Variants in DSCAML1 observed in about 807,000 individuals in gnomAD.
DSCAML1 encodes the protein DS cell adhesion molecule like 1.
In DSCAML1, 38 loss-of-function variants were observed where a neutral mutation model predicts 200.5. The ratio of observed to expected loss-of-function variants is 0.19; its 90% CI spans 0.15 to 0.25. The LOEUF (loss-of-function observed/expected upper bound fraction) is 0.25. Among genes scored for constraint, DSCAML1 ranks in the 10% least tolerant of loss-of-function variants. DSCAML1 has a pLI of 1.00. For missense variants in DSCAML1, 2,223 were observed against 2,858.8 expected, an observed-to-expected ratio of 0.78 and a Z score of 5.07; for synonymous variants, 1,215 against 1,165.0, an observed-to-expected ratio of 1.04 and a Z score of -0.87.
In DSCAML1 at chr11:117,503,679, T is replaced by G. The variant is rs952517509; in HGVS notation, c.2359+166A>C. Among the ~76,000 whole-genome samples, 2 of 152,110 alleles carry G rather than the reference T, an allele frequency of 1.3e-5. No homozygotes were observed. Among genetic ancestry groups the G allele is most frequent in the Non-Finnish European group, 2.9e-5 (2 of 68,026 alleles). ...CCGCTGTTTTAGATGACAGTGCTTT[T>G]GAATGCCCCATCCAAGGGTCCCAAG... On this transcript the variant is annotated intron_variant, in intron 11 of 32. Coordinates refer to ENST00000651296, the MANE Select transcript of DSCAML1 (RefSeq NM_020693.4). The surrounding 1 kb of genome is among the most constrained non-coding windows in gnomAD (Gnocchi z 5.2).
Position 117,643,370 on chromosome 11 carries a change from C to A in DSCAML1, c.512-110848G>T, listed in dbSNP as rs550917876. On this transcript the variant is annotated intron_variant, in intron 3 of 32. Coordinates refer to ENST00000651296, the MANE Select transcript of DSCAML1 (RefSeq NM_020693.4). ...GTGTATGTGGGGAGGACGTACTATC[C>A]CCCTGTAAACATTCCTGTCTTTTGT... Among the ~76,000 whole-genome samples, 5 of 152,174 alleles carry A rather than the reference C, an allele frequency of 3.3e-5. No homozygotes were observed. The South Asian group carries it at 1.0e-3, about 32-fold the overall frequency.
rs5795089 is a variant in DSCAML1, at chr11:117,506,547, CTTTTTTTTTTT to C, written c.1784-826_1784-816del. On this transcript the variant is annotated intron_variant, in intron 8 of 32. Coordinates refer to ENST00000651296, the MANE Select transcript of DSCAML1 (RefSeq NM_020693.4). Reference sequence around the variant, plus strand: ...TGCCCAGACAAGAGACAAGAGATAACTTTTTTTTTTTTTTTTTTTTTTTTTTTGAGACAAGG... The same window carrying C: ...TGCCCAGACAAGAGACAAGAGATAACTTTTTTTTTTTTTTTTGAGACAAGG... Among the ~76,000 whole-genome samples, 274 of 96,868 alleles carry C rather than the reference CTTTTTTTTTTT, an allele frequency of 2.8e-3. 3 individuals are homozygous for C. Among genetic ancestry groups the C allele is most frequent in the African/African-American group, 8.2e-3 (187 of 22,870 alleles). 63.5% of individuals were successfully genotyped at this position (96,868 alleles called of 152,430 possible).
At chr11:117,466,616 G>A (rs1009670958) in intron 16 of DSCAML1, among the ~76,000 whole-genome samples, 5 of 152,110 alleles carry the variant, frequency 3.3e-5, no homozygotes, top group Admixed American at 6.5e-5. Context: ...CAGGAGAATC[G>A]CTTGAACCCG....
At chr11:117,439,458 G>A (rs1257403252) in intron 22 of DSCAML1, 29 bp from the exon 23 acceptor site, 5 of 1,601,030 alleles carry the variant, frequency 3.1e-6, no homozygotes, top group South Asian at 2.2e-5. Flanking sequence ...GGGCGGGTGG[G>A]TCATGTCAAG....
chr11:117,485,631 A>T (rs781098007), intron 11 of DSCAML1, among the ~76,000 whole-genome samples: 2 of 152,190 alleles, frequency 1.3e-5, no homozygotes, highest in African/African-American at 2.4e-5. Context: ...TGCTTAAGAA[A>T]CCTGGATTCT....
intron 3 of DSCAML1, among the ~76,000 whole-genome samples, chr11:117,681,169 G>T (rs2053305143): frequency 6.6e-6 from 1 of 152,034 alleles, no homozygotes; most frequent in Non-Finnish European, 1.5e-5. Context: ...AAGCTCTGTT[G>T]ACTCCCAGCA....
intron 1 of DSCAML1, among the ~76,000 whole-genome samples, chr11:117,812,713 T>C (rs1373245700): frequency 6.7e-6 from 1 of 149,452 alleles, no homozygotes; most frequent in Non-Finnish European, 1.5e-5. Context: ...ATAATTCTCG[T>C]AAAAACACAC....
chr11:117,472,582 C>T (rs1397055510), intron 14 of DSCAML1, among the ~76,000 whole-genome samples: 1 of 152,120 alleles, frequency 6.6e-6, no homozygotes, highest in East Asian at 1.9e-4. Context: ...GTACCAGAGT[C>T]CCCAGTCCAA....
chr11:117,702,937 G>A (rs1464490354), intron 3 of DSCAML1, among the ~76,000 whole-genome samples: 3 of 152,154 alleles, frequency 2.0e-5, no homozygotes, highest in African/African-American at 7.2e-5. Flanking sequence ...AGACTTTCTG[G>A]GATGCAAATA....
chr11:117,470,879 C>G (rs913436152), intron 15 of DSCAML1, among the ~76,000 whole-genome samples: 1 of 151,962 alleles, frequency 6.6e-6, no homozygotes, highest in Non-Finnish European at 1.5e-5. Context: ...AAGCAAGACA[C>G]GGAAGAATAG....
intron 3 of DSCAML1, among the ~76,000 whole-genome samples, chr11:117,751,476 C>T (rs1272293586): frequency 6.6e-6 from 1 of 150,898 alleles, no homozygotes. Flanking sequence ...TTATTTCAGA[C>T]AGTTTCTCAC....
rs1487866860 is a variant in DSCAML1 at position 117,489,207 on chromosome 11, G to C, written c.2360-7045C>G. Among the ~76,000 whole-genome samples the C allele has an allele frequency of 6.6e-6, 1 of 152,206 alleles. No homozygotes were observed. The highest frequency in any genetic ancestry group is 6.5e-5 in the Admixed American group (1 of 15,286). ...CTGTCACCAAAAAGCTGTGGCCTCT[G>C]CGGCGGGGCAGCTGCAGCAGGTACT... On this transcript the variant is annotated intron_variant, in intron 11 of 32. Transcript: ENST00000651296. This position sits in a 1 kb window ranked among gnomAD's most constrained non-coding sequence, Gnocchi z 4.8.
chr11:117,685,985 G>A (rs2053395863), intron 3 of DSCAML1, among the ~76,000 whole-genome samples: 1 of 152,174 alleles, frequency 6.6e-6, no homozygotes, highest in Non-Finnish European at 1.5e-5. Context: ...TTGAGGATGG[G>A]AGGGAGGGTT....
intron 3 of DSCAML1, among the ~76,000 whole-genome samples, chr11:117,596,043 A>C (rs2051357225): frequency 6.6e-6 from 1 of 152,208 alleles, no homozygotes; most frequent in African/African-American, 2.4e-5. Flanking sequence ...CATTCCTGGG[A>C]AAGAGATATA....
chr11:117,653,459 A>G (rs776182531), intron 3 of DSCAML1, among the ~76,000 whole-genome samples: 1 of 152,112 alleles, frequency 6.6e-6, no homozygotes, highest in African/African-American at 2.4e-5. Flanking sequence ...CAGCTCATTC[A>G]TCACTTGGCC....
chr11:117,675,269 A>G (rs1310817514), intron 3 of DSCAML1, among the ~76,000 whole-genome samples: 3 of 152,046 alleles, frequency 2.0e-5, no homozygotes, highest in Non-Finnish European at 2.9e-5. Flanking sequence ...GGCTCGGAAC[A>G]TTTTCAAACA....
intron 1 of DSCAML1, among the ~76,000 whole-genome samples, chr11:117,795,627 C>T (rs1333039422): frequency 6.6e-6 from 1 of 152,150 alleles, no homozygotes; most frequent in African/African-American, 2.4e-5. Flanking sequence ...TTGAGGCCAC[C>T]CTTCCTTGTC....
At chr11:117,485,758 A>G (rs2049034533) in intron 11 of DSCAML1, among the ~76,000 whole-genome samples, 1 of 152,200 alleles carries the variant, frequency 6.6e-6, no homozygotes, top group South Asian at 2.1e-4. Context: ...CTTTTTGGGT[A>G]GAGGAAAAAA....
At chr11:117,714,577 G>A (rs1006968663) in intron 3 of DSCAML1, among the ~76,000 whole-genome samples, 1 of 152,124 alleles carries the variant, frequency 6.6e-6, no homozygotes, top group Non-Finnish European at 1.5e-5. Flanking sequence ...AGCACTTTGG[G>A]AGGCCGAGGC....
Sources: gnomAD v4.1 joint callset for allele counts (sites outside exome capture counted in the v4.1 genomes callset) on GRCh38, gnomAD v4.1.1 for gene constraint, Gnocchi (gnomAD v3.1) non-coding constraint, MANE v1.5 for transcripts, NCBI Gene and HGNC (gene_info 2026-07-23, HGNC 2026-07-21) for gene names.